RUNX1: variants seen among roughly 807,000 people sequenced by gnomAD.
RUNX1 encodes RUNX family transcription factor 1, also known as runt-related transcription factor 1.
Under a neutral mutation model 42.8 loss-of-function variants are expected in RUNX1, and 19 were observed. The observed-to-expected ratio is 0.44, with a 90% CI of 0.31 to 0.65. The LOEUF (loss-of-function observed/expected upper bound fraction) is 0.65. Among genes scored for constraint, RUNX1 ranks in the 30% least tolerant of loss-of-function variants. The pLI, the probability that RUNX1 is intolerant of heterozygous loss-of-function variation, is 0.07. For missense variants in RUNX1, 528 were observed against 672.0 expected (o/e 0.79, Z 2.37); for synonymous variants, 271 against 289.4 (o/e 0.94, Z 0.64).
intron 6 of RUNX1, among the ~76,000 whole-genome samples, chr21:34,842,322 A>G (rs2057248962): frequency 6.6e-6 from 1 of 151,806 alleles, no homozygotes; most frequent in African/African-American, 2.4e-5. Context: ...GTGAAACCCC[A>G]TCTCCACTAA....
intron 2 of RUNX1, among the ~76,000 whole-genome samples, chr21:34,981,888 T>G (rs949930366): frequency 6.6e-6 from 1 of 152,188 alleles, no homozygotes; most frequent in African/African-American, 2.4e-5. Flanking sequence ...TTGCCATCAG[T>G]GCAGCAAGGA....
intron 2 of RUNX1, among the ~76,000 whole-genome samples, chr21:34,972,810 C>A (rs2058772413): frequency 6.6e-6 from 1 of 152,128 alleles, no homozygotes; most frequent in Non-Finnish European, 1.5e-5. Flanking sequence ...TTATAATAAT[C>A]CCATTGTCCA....
At chr21:34,894,085 T>G (rs866348055) in intron 2 of RUNX1, among the ~76,000 whole-genome samples, 7 of 152,168 alleles carry the variant, frequency 4.6e-5, no homozygotes, top group Admixed American at 2.6e-4. Context: ...TTTGCACTAA[T>G]TGTGAATGAT....
At chr21:34,813,555 C>T (rs1461372762) in intron 7 of RUNX1, among the ~76,000 whole-genome samples, 34 of 151,984 alleles carry the variant, frequency 2.2e-4, no homozygotes, top group Admixed American at 2.2e-3. Context: ...AGGTTTAAGG[C>T]GACTGCTCTC....
At chr21:34,812,221 C>G (rs1382167545) in intron 7 of RUNX1, among the ~76,000 whole-genome samples, 1 of 152,212 alleles carries the variant, frequency 6.6e-6, no homozygotes. Context: ...CCTCTTTCTT[C>G]TAAGTTCCCC....
At chr21:34,910,383 G>GT (rs780634350) in intron 2 of RUNX1, among the ~76,000 whole-genome samples, 2,116 of 144,540 alleles carry the variant, frequency 0.015, 23 homozygotes, top group African/African-American at 0.036. Flanking sequence ...TTTCAGAACT[G>GT]TTTTTTTTTT....
chr21:34,985,118 G>GT (rs1341835671), intron 2 of RUNX1, among the ~76,000 whole-genome samples: 1 of 152,196 alleles, frequency 6.6e-6, no homozygotes, highest in African/African-American at 2.4e-5. Flanking sequence ...AGCAGAGAAA[G>GT]TAAGTGGTCA....
chr21:35,031,302 C>T (rs549526740), intron 2 of RUNX1, among the ~76,000 whole-genome samples: 1 of 152,142 alleles, frequency 6.6e-6, no homozygotes, highest in South Asian at 2.1e-4. Flanking sequence ...GAGCCGAGAT[C>T]GTGCCACTGC....
chr21:34,951,387 T>C (rs2058606084), intron 2 of RUNX1, among the ~76,000 whole-genome samples: 1 of 152,238 alleles, frequency 6.6e-6, no homozygotes, highest in South Asian at 2.1e-4. Flanking sequence ...TTTGTCAATT[T>C]TGGCTTTTGT....
intron 2 of RUNX1, among the ~76,000 whole-genome samples, chr21:34,999,538 T>A (rs1311584403): frequency 6.6e-6 from 1 of 152,186 alleles, no homozygotes; most frequent in Non-Finnish European, 1.5e-5. Flanking sequence ...CCTTTTGGCC[T>A]GCAGATCTCA....
At chr21:34,929,763 T>C (rs1464523305) in intron 2 of RUNX1, among the ~76,000 whole-genome samples, 1 of 152,180 alleles carries the variant, frequency 6.6e-6, no homozygotes, top group Non-Finnish European at 1.5e-5. Context: ...TTGAATATTC[T>C]TTACCCAAGT....
intron 6 of RUNX1, among the ~76,000 whole-genome samples, chr21:34,844,053 C>A (rs1038038843): frequency 1.3e-5 from 2 of 152,124 alleles, no homozygotes; most frequent in Non-Finnish European, 2.9e-5. Flanking sequence ...ATATTAGCAA[C>A]CCTCCCTAGG....
At chr21:34,887,250 G>GC in intron 3 of RUNX1, 154 bp from the exon 4 acceptor site, 2 of 752,488 alleles carry the variant, frequency 2.7e-6, no homozygotes, top group Non-Finnish European at 3.7e-6. Context: ...GGTGGGGGGG[G>GC]GCGGGGGTGG....
intron 2 of RUNX1, among the ~76,000 whole-genome samples, chr21:35,022,700 G>A (rs1601683161): frequency 6.6e-6 from 1 of 152,162 alleles, no homozygotes; most frequent in African/African-American, 2.4e-5. Context: ...TTCGAGACCA[G>A]CCCAGCCAAC....
Position 34,886,990 on chromosome 21 carries a change from G to A in RUNX1, c.204C>T (p.Ala68=), listed in dbSNP as rs746342521. ...TGCGGTCGCCGCTCCTCAGCTTGCC[G>A]GCCAGGGCAGCGCCGGCGTCCGGGG... ...LGAPDAGAAL[A]GKLRSGDRSM... is the part of the protein sequence containing the mutation. The change falls in exon 4 of 9, where the codon GCC becomes GCT. Residue 68 remains alanine (A), a synonymous_variant. Transcript: ENST00000675419. The A allele has an allele frequency of 2.5e-6, 4 of 1,606,566 alleles. No homozygotes were observed. Among genetic ancestry groups the A allele is most frequent in the Non-Finnish European group, 2.5e-6 (3 of 1,178,250 alleles).
intron 7 of RUNX1, among the ~76,000 whole-genome samples, chr21:34,817,709 G>A (rs955683665): frequency 3.3e-5 from 5 of 152,110 alleles, no homozygotes; most frequent in African/African-American, 1.2e-4. Flanking sequence ...AGTGGTTTTT[G>A]ATAACTCTGG....
intron 5 of RUNX1, among the ~76,000 whole-genome samples, chr21:34,863,278 TCTGGA>T (rs552872022): frequency 5.3e-5 from 8 of 152,268 alleles, no homozygotes; most frequent in Middle Eastern, 6.8e-3. Context: ...GTACAAGAAA[TCTGGA>T]CTGGAGATAC....
Position 34,792,049 on chromosome 21 carries a change from C to G in RUNX1, c.*86G>C. On this transcript the variant is annotated 3_prime_UTR_variant, in exon 9 of 9. Transcript: ENST00000675419. The surrounding 1 kb of genome is among the most constrained non-coding windows in gnomAD (Gnocchi z 6.9). ...TGGCCGGGCCCAGGGCCCGGGATCC[C>G]GGCGGGCTTGTCGCGAACAGGAGGC... is the stretch of plus-strand genomic sequence containing the variant. 1 of 888,252 alleles carries G rather than the reference C, an allele frequency of 1.1e-6. No individual in the cohort carries two copies. Among genetic ancestry groups the G allele is most frequent in the Non-Finnish European group, 1.6e-6 (1 of 641,172 alleles). 55.0% of individuals were successfully genotyped at this position (888,252 alleles called of 1,614,324 possible).
At chr21:35,041,963 G>A (rs764122288) in intron 2 of RUNX1, among the ~76,000 whole-genome samples, 1 of 152,068 alleles carries the variant, frequency 6.6e-6, no homozygotes, top group Non-Finnish European at 1.5e-5. Context: ...GGGAGGCTGG[G>A]GGATTTTTGA....
Sources: gnomAD v4.1 joint callset for allele counts (sites outside exome capture counted in the v4.1 genomes callset) on GRCh38, gnomAD v4.1.1 for gene constraint, Gnocchi (gnomAD v3.1) non-coding constraint, MANE v1.5 for transcripts, NCBI Gene and HGNC (gene_info 2026-07-23, HGNC 2026-07-21) for gene names.